Variants in ROBO2 observed in about 807,000 individuals in gnomAD.
ROBO2 encodes the protein roundabout homolog 2.
ROBO2 carries 53 observed loss-of-function variants against 160.8 expected under a neutral mutation model. The observed-to-expected ratio is 0.33, with a 90% CI of 0.26 to 0.41. The LOEUF (loss-of-function observed/expected upper bound fraction) is 0.41, where lower values mean the gene tolerates loss of function less well. Ranked by LOEUF, ROBO2 falls within the 10% of genes least tolerant of loss-of-function variation. ROBO2 has a pLI of 1.00. For missense variants in ROBO2, 1,577 were observed against 1,722.4 expected, an observed-to-expected ratio of 0.92 and a Z score of 1.49; for synonymous variants, 664 against 611.7, an observed-to-expected ratio of 1.09 and a Z score of -1.26.
intron 2 of ROBO2, among the ~76,000 whole-genome samples, chr3:76,546,829 A>G (rs1289538782): frequency 1.3e-5 from 2 of 151,892 alleles, no homozygotes; most frequent in Non-Finnish European, 2.9e-5. Flanking sequence ...TACTCTACAC[A>G]AAACTTCACA....
intron 2 of ROBO2, among the ~76,000 whole-genome samples, chr3:77,166,741 T>C (rs1173849724): frequency 7.9e-5 from 12 of 152,078 alleles, no homozygotes; most frequent in Non-Finnish European, 1.5e-5. Flanking sequence ...TTTGTATTTT[T>C]AGTAGAGATG....
chr3:76,921,609 A>G (rs2076666669), intron 2 of ROBO2, among the ~76,000 whole-genome samples: 1 of 152,114 alleles, frequency 6.6e-6, no homozygotes, highest in Admixed American at 6.6e-5. Flanking sequence ...AAGTCTCTGT[A>G]CCTAATTTTT....
chr3:76,947,741 C>G (rs1206353789), intron 2 of ROBO2, among the ~76,000 whole-genome samples: 2 of 152,014 alleles, frequency 1.3e-5, no homozygotes, highest in African/African-American at 2.4e-5. Context: ...ATTTCAAATT[C>G]CTGCAATCGA....
At chr3:75,949,853 T>C (rs1948469883) in intron 2 of ROBO2, among the ~76,000 whole-genome samples, 1 of 152,126 alleles carries the variant, frequency 6.6e-6, no homozygotes, top group Non-Finnish European at 1.5e-5. Flanking sequence ...ATGACTTTAA[T>C]TCGTTATCTG....
intron 2 of ROBO2, among the ~76,000 whole-genome samples, chr3:76,702,632 T>C (rs577074118): frequency 2.0e-5 from 3 of 152,194 alleles, no homozygotes; most frequent in Admixed American, 1.3e-4. Context: ...GTTGTGATGA[T>C]AGATGTTGAA....
intron 2 of ROBO2, among the ~76,000 whole-genome samples, chr3:76,419,636 T>C (rs2075906427): frequency 6.6e-6 from 1 of 152,136 alleles, no homozygotes; most frequent in African/African-American, 2.4e-5. Context: ...ACTTATTTTC[T>C]CTGTCTATTG....
At chr3:77,505,589 C>T (rs1052198126) in intron 5 of ROBO2, among the ~76,000 whole-genome samples, 3 of 151,748 alleles carry the variant, frequency 2.0e-5, no homozygotes, top group Non-Finnish European at 4.4e-5. Context: ...GAAAAATGAC[C>T]AAATCAACTA....
chr3:76,054,745 T>C (rs1418909183), intron 2 of ROBO2, among the ~76,000 whole-genome samples: 1 of 152,164 alleles, frequency 6.6e-6, no homozygotes, highest in Non-Finnish European at 1.5e-5. Flanking sequence ...ACATGGAAGT[T>C]TGAAATGCAT....
intron 2 of ROBO2, among the ~76,000 whole-genome samples, chr3:76,247,912 A>C (rs1349488838): frequency 1.3e-5 from 2 of 151,946 alleles, no homozygotes; most frequent in Non-Finnish European, 2.9e-5. Flanking sequence ...ACTGGCCATC[A>C]GAGAAATGCA....
chr3:76,195,290 C>A (rs1702209308), intron 2 of ROBO2, among the ~76,000 whole-genome samples: 1 of 152,012 alleles, frequency 6.6e-6, no homozygotes, highest in Non-Finnish European at 1.5e-5. Flanking sequence ...TGTAGTTAAG[C>A]CATTATAAAA....
At chr3:76,555,358 GAGAAGAAGAAGAAGAAGAAGA>G (rs58339602) in intron 2 of ROBO2, among the ~76,000 whole-genome samples, 849 of 57,850 alleles carry the variant, frequency 0.015, 19 homozygotes, top group South Asian at 0.023. Context: ...AGTAGGAAGA[GAGAAGAAGAAGAAGAAGAAGA>G]AGAAGAAGAA....
chr3:76,234,339 A>G (rs542549805), intron 2 of ROBO2, among the ~76,000 whole-genome samples: 105 of 152,294 alleles, frequency 6.9e-4, no homozygotes, highest in Middle Eastern at 3.4e-3. Context: ...TGTTGGGTTG[A>G]GTGGGAATTC....
At chr3:77,360,898 A>AT (rs113680665) in intron 2 of ROBO2, among the ~76,000 whole-genome samples, 124,261 of 149,502 alleles carry the variant, frequency 0.83, 51,603 homozygotes, top group East Asian at 0.85. Flanking sequence ...TTTTGTTTGC[A>AT]TTTTTTTTTT....
intron 2 of ROBO2, among the ~76,000 whole-genome samples, chr3:76,780,464 T>G (rs539237858): frequency 6.6e-6 from 1 of 151,064 alleles, no homozygotes; most frequent in East Asian, 2.0e-4. Flanking sequence ...TTGCTTTGTT[T>G]GTCTAAGCTT....
chr3:77,419,778 G>A (rs931922964), intron 2 of ROBO2, among the ~76,000 whole-genome samples: 3 of 152,030 alleles, frequency 2.0e-5, no homozygotes, highest in Admixed American at 6.6e-5. Flanking sequence ...TTGTTAAAAA[G>A]CAAACAAACT....
intron 2 of ROBO2, among the ~76,000 whole-genome samples, chr3:76,771,418 A>G (rs1290644714): frequency 6.6e-6 from 1 of 151,286 alleles, no homozygotes; most frequent in Non-Finnish European, 1.5e-5. Flanking sequence ...CAGCACCACT[A>G]TAAGGGTTTG....
chr3:77,166,597 C>T (rs1456213421), intron 2 of ROBO2, among the ~76,000 whole-genome samples: 1 of 152,114 alleles, frequency 6.6e-6, no homozygotes, highest in Non-Finnish European at 1.5e-5. Flanking sequence ...CTCACTCTGT[C>T]GCCCAGGCTG....
chr3:76,037,830 G>A (rs1053163679), intron 2 of ROBO2, among the ~76,000 whole-genome samples: 3 of 152,036 alleles, frequency 2.0e-5, no homozygotes, highest in Non-Finnish European at 4.4e-5. Context: ...ATGAATATGA[G>A]TTTTTAAAGA....
chr3:76,165,487 A>G (rs1173325237), intron 2 of ROBO2, among the ~76,000 whole-genome samples: 1 of 152,124 alleles, frequency 6.6e-6, no homozygotes. Context: ...CTTTCTCCAT[A>G]TTAGCAATAA....
Sources: allele counts gnomAD v4.1 joint callset (sites outside exome capture counted in the v4.1 genomes callset), GRCh38; gene constraint gnomAD v4.1.1; transcripts MANE v1.5; gene names NCBI Gene and HGNC (gene_info 2026-07-23, HGNC 2026-07-21).